The following NDST3 variants were observed in gnomAD, a reference collection of about 807,000 sequenced individuals.
The protein encoded by NDST3 is bifunctional heparan sulfate N-deacetylase/N-sulfotransferase 3.
Under a neutral mutation model 96.1 loss-of-function variants are expected in NDST3, and 58 were observed. The ratio of observed to expected loss-of-function variants is 0.60; its 90% CI spans 0.49 to 0.75. The LOEUF is 0.75. Among genes scored for constraint, NDST3 ranks in the 30% least tolerant of loss-of-function variants. NDST3 has a pLI of 0.00. For synonymous variants in NDST3, 333 were observed against 359.7 expected (o/e 0.93, Z 0.84); for missense variants, 788 against 1,034.2 (o/e 0.76, Z 3.27).
At chr4:118,047,127 C>A (rs1724813741) in intron 1 of NDST3, among the ~76,000 whole-genome samples, 1 of 152,194 alleles carries the variant, frequency 6.6e-6, no homozygotes, top group African/African-American at 2.4e-5. Flanking sequence ...TGGATCCCAG[C>A]CCAAACTACC....
At chr4:118,150,320 G>A (rs1457015760) in intron 6 of NDST3, among the ~76,000 whole-genome samples, 1 of 152,168 alleles carries the variant, frequency 6.6e-6, no homozygotes, top group African/African-American at 2.4e-5. Flanking sequence ...CAGGACATAA[G>A]CACGGGCAAG....
intron 6 of NDST3, chr4:118,194,312 G>A (rs957102404): frequency 2.6e-5 from 19 of 734,122 alleles, no homozygotes; most frequent in East Asian, 9.9e-5. Flanking sequence ...AGATGATTCC[G>A]CCATCTTCTT....
At chr4:118,114,779 A>C in intron 3 of NDST3, 27 bp from the exon 4 acceptor site, 3 of 1,544,554 alleles carry the variant, frequency 1.9e-6, no homozygotes, top group Non-Finnish European at 2.6e-6. Flanking sequence ...AACTGGAATT[A>C]ATTGGATAAT....
At chr4:118,077,447 T>C (rs1326706290) in intron 2 of NDST3, among the ~76,000 whole-genome samples, 1 of 152,220 alleles carries the variant, frequency 6.6e-6, no homozygotes, top group Non-Finnish European at 1.5e-5. Context: ...CTTGGCGGCA[T>C]GGCTCTTTGT....
chr4:118,127,408 A>T (rs1732202129), intron 4 of NDST3, among the ~76,000 whole-genome samples: 1 of 152,082 alleles, frequency 6.6e-6, no homozygotes, highest in Non-Finnish European at 1.5e-5. Flanking sequence ...TTTTCTGCAT[A>T]TGGAAATCTA....
chr4:118,165,131 T>C (rs539540663), intron 6 of NDST3, among the ~76,000 whole-genome samples: 3 of 152,182 alleles, frequency 2.0e-5, no homozygotes, highest in African/African-American at 7.2e-5. Flanking sequence ...AAAATGGATA[T>C]AGTAGCTGAA....
At chr4:118,228,566 G>C (rs917456225) in intron 8 of NDST3, among the ~76,000 whole-genome samples, 7 of 152,124 alleles carry the variant, frequency 4.6e-5, no homozygotes, top group African/African-American at 1.7e-4. Context: ...CTTTTTTATA[G>C]AAATTGATTT....
intron 6 of NDST3, among the ~76,000 whole-genome samples, chr4:118,147,782 C>T (rs1287668763): frequency 2.0e-5 from 3 of 152,158 alleles, no homozygotes; most frequent in Non-Finnish European, 4.4e-5. Flanking sequence ...ATTATCATCT[C>T]ATATGCACTA....
chr4:118,166,769 C>T (rs1200218281), intron 6 of NDST3, among the ~76,000 whole-genome samples: 5 of 151,790 alleles, frequency 3.3e-5, no homozygotes, highest in African/African-American at 1.2e-4. Flanking sequence ...ATGTAATATA[C>T]CAAAATAACA....
intron 9 of NDST3, among the ~76,000 whole-genome samples, chr4:118,233,945 G>T (rs563798432): frequency 1.2e-3 from 177 of 152,276 alleles, no homozygotes; most frequent in African/African-American, 4.2e-3. Context: ...CCCCTGAGGA[G>T]CTGCTTATGA....
chr4:118,101,269 C>T (rs1729740570), intron 2 of NDST3, among the ~76,000 whole-genome samples: 1 of 151,304 alleles, frequency 6.6e-6, no homozygotes, highest in Non-Finnish European at 1.5e-5. Context: ...TCATTTTGCT[C>T]AGTTCTCAGA....
At chr4:118,088,521 A>G (rs1166585235) in intron 2 of NDST3, among the ~76,000 whole-genome samples, 3 of 152,086 alleles carry the variant, frequency 2.0e-5, no homozygotes, top group South Asian at 2.1e-4. Context: ...TCACAGTACC[A>G]GGATACCTGA....
intron 1 of NDST3, among the ~76,000 whole-genome samples, chr4:118,044,659 CAG>C (rs1410536179): frequency 6.6e-6 from 1 of 152,218 alleles, no homozygotes; most frequent in African/African-American, 2.4e-5. Flanking sequence ...GTGTCTCTAA[CAG>C]AATATCACAG....
At chr4:118,154,217 T>C (rs1191680884) in intron 6 of NDST3, among the ~76,000 whole-genome samples, 1 of 152,288 alleles carries the variant, frequency 6.6e-6, no homozygotes, top group Middle Eastern at 3.4e-3. Context: ...TCAGTTCCAA[T>C]TGTTCTGTAT....
At chr4:118,171,034 AC>A (rs1258907007) in intron 6 of NDST3, among the ~76,000 whole-genome samples, 1 of 151,888 alleles carries the variant, frequency 6.6e-6, no homozygotes, top group African/African-American at 2.4e-5. Flanking sequence ...CAAGTACAAA[AC>A]CCCCATGAGT....
chr4:118,108,290 A>C (rs764841367), intron 3 of NDST3, among the ~76,000 whole-genome samples: 3 of 152,236 alleles, frequency 2.0e-5, no homozygotes, highest in Non-Finnish European at 4.4e-5. Context: ...AGAGATGAAA[A>C]GAAGAGTTAC....
chr4:118,230,042 C>G (rs1000728234), intron 8 of NDST3, among the ~76,000 whole-genome samples: 3 of 152,086 alleles, frequency 2.0e-5, no homozygotes, highest in African/African-American at 2.4e-5. Flanking sequence ...AACTAAGACT[C>G]AAGAGAGGTT....
intron 2 of NDST3, among the ~76,000 whole-genome samples, chr4:118,093,422 G>A (rs1014727709): frequency 6.6e-6 from 1 of 151,644 alleles, no homozygotes; most frequent in Non-Finnish European, 1.5e-5. Context: ...TTAATTCTGT[G>A]GCACAATTTC....
chr4:118,211,796 C>T (rs1738818040), intron 6 of NDST3, among the ~76,000 whole-genome samples: 1 of 152,096 alleles, frequency 6.6e-6, no homozygotes, highest in Admixed American at 6.6e-5. Context: ...GTCCGTAAAT[C>T]TGTGTAACTA....
Sources: gnomAD v4.1 joint callset for allele counts (sites outside exome capture counted in the v4.1 genomes callset) on GRCh38, gnomAD v4.1.1 for gene constraint, MANE v1.5 for transcripts, NCBI Gene and HGNC (gene_info 2026-07-23, HGNC 2026-07-21) for gene names.